Variants in OCA2 observed in about 807,000 individuals in gnomAD.
OCA2 encodes the protein P protein.
A neutral mutation model predicts 100.2 loss-of-function variants in OCA2; 77 were observed. The observed-to-expected ratio is 0.77, with a 90% CI of 0.64 to 0.93. The LOEUF (loss-of-function observed/expected upper bound fraction) is 0.93. Among genes scored for constraint, OCA2 ranks in the 40% least tolerant of loss-of-function variants. The pLI is 0.00. For synonymous variants in OCA2, 432 were observed against 439.2 expected (o/e 0.98, Z 0.21); for missense variants, 1,062 against 1,089.1 (o/e 0.98, Z 0.35).
At chr15:27,907,764 G>A (rs1156913425) in intron 19 of OCA2, among the ~76,000 whole-genome samples, 3 of 152,158 alleles carry the variant, frequency 2.0e-5, no homozygotes, top group African/African-American at 4.8e-5. Flanking sequence ...TAGGTGAAAT[G>A]GATAGTTCCC....
At chr15:27,913,141 A>T (rs2038460864) in intron 19 of OCA2, among the ~76,000 whole-genome samples, 1 of 152,206 alleles carries the variant, frequency 6.6e-6, no homozygotes, top group Non-Finnish European at 1.5e-5. Context: ...TGGACAGAAA[A>T]AAAGTCATTA....
chr15:27,785,509 T>C (rs1484660627), intron 23 of OCA2, among the ~76,000 whole-genome samples: 1 of 152,156 alleles, frequency 6.6e-6, no homozygotes, highest in Non-Finnish European at 1.5e-5. Flanking sequence ...ATTAGGGAAA[T>C]TCAAATCAAA....
rs575768279 is a variant in OCA2, at chr15:27,966,010, G to C, written c.1636+680C>G. Among the ~76,000 whole-genome samples the C allele has an allele frequency of 9.2e-5, 14 of 152,134 alleles. No individual in the cohort carries two copies. The South Asian group carries it at 2.9e-3, about 32-fold the overall frequency. ...TTTTGAGACAGAGTTTCACTCTGTC[G>C]CCCAGGCTGGAGTGCAGTGGCACGA... On this transcript the variant is annotated intron_variant, in intron 15 of 23. Coordinates refer to ENST00000354638, the MANE Select transcript of OCA2 (RefSeq NM_000275.3).
At chr15:27,950,052 C>T (rs2039980196) in intron 18 of OCA2, among the ~76,000 whole-genome samples, 1 of 152,134 alleles carries the variant, frequency 6.6e-6, no homozygotes, top group Non-Finnish European at 1.5e-5. Flanking sequence ...GACTTGCAGG[C>T]TAAAAGTTTC....
chr15:27,830,244 T>C (rs781184649), intron 23 of OCA2, among the ~76,000 whole-genome samples: 3 of 152,160 alleles, frequency 2.0e-5, no homozygotes, highest in Non-Finnish European at 4.4e-5. Flanking sequence ...ACGAGGATTT[T>C]TTCATCATAA....
At chr15:27,813,546 A>T (rs180851129) in intron 23 of OCA2, among the ~76,000 whole-genome samples, 2 of 152,348 alleles carry the variant, frequency 1.3e-5, no homozygotes, top group Non-Finnish European at 2.9e-5. Flanking sequence ...TTACTTTCAA[A>T]GCAGAGTAAA....
At chr15:27,870,465 C>T (rs987119126) in intron 21 of OCA2, among the ~76,000 whole-genome samples, 9 of 152,166 alleles carry the variant, frequency 5.9e-5, no homozygotes, top group African/African-American at 1.7e-4. Flanking sequence ...GCAGAAGTCA[C>T]GCCAGGAACA....
the OCA2 span, among the ~76,000 whole-genome samples, chr15:27,735,118 A>C: frequency 6.6e-6 from 1 of 152,184 alleles, no homozygotes; most frequent in Non-Finnish European, 1.5e-5. Flanking sequence ...CAGTGAAATG[A>C]AGAAAATATT....
downstream of OCA2, among the ~76,000 whole-genome samples, chr15:27,753,915 G>A (rs1170165396): frequency 6.6e-6 from 1 of 152,032 alleles, no homozygotes; most frequent in Non-Finnish European, 1.5e-5. Flanking sequence ...GAAGGAGCCG[G>A]ACATGAGGGA....
chr15:27,801,040 G>A (rs949395764), intron 23 of OCA2, among the ~76,000 whole-genome samples: 18 of 152,072 alleles, frequency 1.2e-4, no homozygotes, highest in African/African-American at 3.9e-4. Flanking sequence ...GGGTTTGACT[G>A]GTGAATTGTA....
Position 27,755,479 on chromosome 15 carries a change from T to C in OCA2, c.2433-7A>G. The C allele has an allele frequency of 6.2e-7, 1 of 1,609,860 alleles. No homozygotes were observed. The highest frequency in any genetic ancestry group is 8.5e-7 in the Non-Finnish European group (1 of 1,176,246). On this transcript the variant is annotated splice_region_variant and splice_polypyrimidine_tract_variant and intron_variant, in intron 23 of 23. Coordinates refer to ENST00000354638, the MANE Select transcript of OCA2 (RefSeq NM_000275.3). Reference sequence around the variant, plus strand: ...CATCATTGGGAAGCCCAGCCTGAAATACAAAGAGAAATGAGTTATGGCATC... The same window carrying C: ...CATCATTGGGAAGCCCAGCCTGAAACACAAAGAGAAATGAGTTATGGCATC...
chr15:27,728,865 T>A, the OCA2 span, among the ~76,000 whole-genome samples: 1 of 152,216 alleles, frequency 6.6e-6, no homozygotes, highest in Non-Finnish European at 1.5e-5. Context: ...AACATGCTTT[T>A]CTGACAATAA....
intron 15 of OCA2, among the ~76,000 whole-genome samples, chr15:27,965,304 T>C (rs2040529758): frequency 6.6e-6 from 1 of 152,236 alleles, no homozygotes; most frequent in African/African-American, 2.4e-5. Context: ...ACTTTGCATA[T>C]ATTAGTTGAT....
chr15:27,726,574 G>A, the OCA2 span, among the ~76,000 whole-genome samples: 2 of 152,136 alleles, frequency 1.3e-5, no homozygotes, highest in African/African-American at 4.8e-5. Context: ...CCTGTGGCCA[G>A]ACATGGATGT....
At chr15:27,737,256 A>G in the OCA2 span, among the ~76,000 whole-genome samples, 2 of 152,210 alleles carry the variant, frequency 1.3e-5, no homozygotes, top group African/African-American at 2.4e-5. Context: ...ATTCAATGCA[A>G]TTGTAATCAA....
rs918859779 is a variant in OCA2, at chr15:27,872,967, G to A, written c.2080-1045C>T. On this transcript the variant is annotated intron_variant, in intron 19 of 23. Coordinates refer to ENST00000354638, the MANE Select transcript of OCA2 (RefSeq NM_000275.3). ...GGCCTCCCAAAGTGCTGGGATTACA[G>A]GCGTGAGCCAACGTGCCGGCCAGCT... 3.9e-5 allele frequency among the ~76,000 whole-genome samples: 6 copies of A among 152,196 alleles called. No homozygotes were observed. The South Asian group carries it at 1.2e-3, about 31-fold the overall frequency.
intron 9 of OCA2, among the ~76,000 whole-genome samples, chr15:28,000,955 G>T (rs558214280): frequency 5.3e-5 from 8 of 152,274 alleles, no homozygotes; most frequent in Admixed American, 3.9e-4. Flanking sequence ...AAACACAGGA[G>T]ATAACAAATG....
In OCA2 at chr15:27,780,924, A is replaced by G. The variant is rs74007369; in HGVS notation, c.2433-25452T>C. 5.3e-5 allele frequency among the ~76,000 whole-genome samples: 8 copies of G among 152,316 alleles called. No homozygotes were observed. In the South Asian group the frequency reaches 1.7e-3, roughly 32 times the overall value. ...TCTCTCCACGAAATTATGAGGAAAA[A>G]AAAGCTCTGACCTAATTCAGAATTA... On this transcript the variant is annotated intron_variant, in intron 23 of 23. Transcript: ENST00000354638.
rs556502330 is a variant in OCA2 at position 27,907,460 on chromosome 15, T to A, written c.2079+18667A>T. ...AGATTAAATATCCAATTCTAAAAACTAGAAAAAAACAAAGTCCACCAAATA... is the reference window on the plus strand; with the variant it reads ...AGATTAAATATCCAATTCTAAAAACAAGAAAAAAACAAAGTCCACCAAATA... On this transcript the variant is annotated intron_variant, in intron 19 of 23. Transcript: ENST00000354638. Among the ~76,000 whole-genome samples, 9 of 151,556 alleles carry A rather than the reference T, an allele frequency of 5.9e-5. No homozygotes were observed. The South Asian group carries it at 1.9e-3, about 32-fold the overall frequency.
Sources: gnomAD v4.1 joint callset for allele counts (sites outside exome capture counted in the v4.1 genomes callset) on GRCh38, gnomAD v4.1.1 for gene constraint, MANE v1.5 for transcripts, NCBI Gene and HGNC (gene_info 2026-07-23, HGNC 2026-07-21) for gene names.